The following OPCML variants were observed in gnomAD, a reference collection of about 807,000 sequenced individuals.
OPCML encodes the protein opioid-binding protein/cell adhesion molecule.
In OPCML, 13 loss-of-function variants were observed where a neutral mutation model predicts 37.8. That is an observed-to-expected ratio of 0.34 (90% CI 0.22 to 0.55). The LOEUF (loss-of-function observed/expected upper bound fraction) is 0.55, where lower values mean the gene tolerates loss of function less well. OPCML is among the 20% of genes least tolerant of loss of function. OPCML has a pLI of 0.91. For synonymous variants in OPCML, 176 were observed against 168.8 expected, an observed-to-expected ratio of 1.04 and a Z score of -0.33; for missense variants, 341 against 435.6, an observed-to-expected ratio of 0.78 and a Z score of 1.93.
chr11:132,885,694 ATT>A lies in OPCML; in HGVS notation c.146+57230_146+57231del, dbSNP rs1344902749. Among the ~76,000 whole-genome samples, 8 of 152,284 alleles carry A rather than the reference ATT, an allele frequency of 5.3e-5. No homozygotes were observed. The East Asian group carries it at 1.2e-3, about 22-fold the overall frequency. On this transcript the variant is annotated intron_variant, in intron 2 of 7. Coordinates refer to ENST00000524381, the MANE Select transcript of OPCML (RefSeq NM_001012393.5). The stretch of plus-strand genomic sequence containing the variant: ...CTTCAGCTGTCACCTGCAATAAAGA[ATT>A]TTTTTCTCTTTGGAGGTAGCATATA...
intron 1 of OPCML, among the ~76,000 whole-genome samples, chr11:133,071,041 C>T (rs1281241308): frequency 6.6e-6 from 1 of 152,206 alleles, no homozygotes; most frequent in Non-Finnish European, 1.5e-5. Flanking sequence ...TGTGATCTCC[C>T]TGCAGGGTAC....
intron 3 of OPCML, among the ~76,000 whole-genome samples, chr11:132,559,013 G>A (rs754953228): frequency 4.6e-5 from 7 of 152,078 alleles, no homozygotes; most frequent in Non-Finnish European, 7.3e-5. Context: ...TGTCAATTCA[G>A]TTCCAATCAG....
At chr11:133,456,603 G>A (rs963274488) in intron 1 of OPCML, among the ~76,000 whole-genome samples, 2 of 152,032 alleles carry the variant, frequency 1.3e-5, no homozygotes, top group Non-Finnish European at 2.9e-5. Context: ...TCCAGGAAAA[G>A]ACTTCTTAAA....
chr11:133,103,324 A>T (rs1221936502), intron 1 of OPCML, among the ~76,000 whole-genome samples: 2 of 152,186 alleles, frequency 1.3e-5, no homozygotes, highest in Non-Finnish European at 2.9e-5. Flanking sequence ...AGTCACCAAA[A>T]TCCATGTTGT....
intron 1 of OPCML, chr11:133,009,258 C>A: frequency 6.1e-6 from 6 of 984,366 alleles, no homozygotes; most frequent in Non-Finnish European, 7.2e-6. Context: ...GACATAAATA[C>A]TTGCTTGTTA....
chr11:133,410,495 T>A (rs968948480), intron 1 of OPCML, among the ~76,000 whole-genome samples: 23 of 151,936 alleles, frequency 1.5e-4, no homozygotes, highest in African/African-American at 5.3e-4. Context: ...TAGGTTATAA[T>A]TGCTCCCTCG....
At chr11:132,872,319 C>T (rs989377159) in intron 2 of OPCML, among the ~76,000 whole-genome samples, 3 of 152,098 alleles carry the variant, frequency 2.0e-5, no homozygotes, top group Non-Finnish European at 4.4e-5. Flanking sequence ...GCCTCCTGAA[C>T]GTGACTATTT....
chr11:132,520,137 C>A (rs540659965), intron 4 of OPCML, among the ~76,000 whole-genome samples: 22 of 152,124 alleles, frequency 1.4e-4, no homozygotes, highest in Non-Finnish European at 2.6e-4. Context: ...AAAGGCAAGG[C>A]AAGAGTATGG....
intron 3 of OPCML, among the ~76,000 whole-genome samples, chr11:132,609,092 C>G (rs1414687046): frequency 6.6e-6 from 1 of 151,828 alleles, no homozygotes; most frequent in Admixed American, 6.6e-5. Context: ...CGAGAACTGA[C>G]CCATCACTTC....
chr11:132,712,350 C>T (rs7930060), intron 2 of OPCML, among the ~76,000 whole-genome samples: 1,620 of 151,852 alleles, frequency 0.011, 15 homozygotes, highest in African/African-American at 0.026. Context: ...CGAGCTTGCC[C>T]GTCTCTGTGG....
At chr11:132,657,872 G>A (rs1021896238) in intron 2 of OPCML, among the ~76,000 whole-genome samples, 1 of 152,168 alleles carries the variant, frequency 6.6e-6, no homozygotes, top group African/African-American at 2.4e-5. Flanking sequence ...ACCTTAGAAA[G>A]CCAACACTTC....
intron 1 of OPCML, chr11:133,003,853 C>T (rs1947056329): frequency 1.0e-6 from 1 of 985,234 alleles, no homozygotes. Context: ...CAGATCCTTG[C>T]CATCCACCGT....
chr11:133,289,160 T>C (rs1373935345), intron 1 of OPCML, among the ~76,000 whole-genome samples: 1 of 152,218 alleles, frequency 6.6e-6, no homozygotes, highest in East Asian at 1.9e-4. Context: ...AATAATGGAT[T>C]AGGTTGATAC....
At chr11:133,006,856 G>T (rs1233817286) in intron 1 of OPCML, 3 of 985,322 alleles carry the variant, frequency 3.0e-6, no homozygotes, top group South Asian at 4.7e-5. Flanking sequence ...GGCCAGGAAG[G>T]TTATATCAGA....
intron 1 of OPCML, among the ~76,000 whole-genome samples, chr11:132,972,536 C>T (rs372476181): frequency 2.0e-5 from 3 of 152,150 alleles, no homozygotes; most frequent in East Asian, 1.9e-4. Flanking sequence ...TCTTCGTGTG[C>T]GTTTTTATTA....
intron 4 of OPCML, among the ~76,000 whole-genome samples, chr11:132,523,325 C>T (rs187743687): frequency 6.6e-6 from 1 of 152,294 alleles, no homozygotes; most frequent in Admixed American, 6.5e-5. Flanking sequence ...CCATGGAATT[C>T]ACTCATTTAT....
chr11:133,416,618 GTC>G (rs962440065), intron 1 of OPCML, among the ~76,000 whole-genome samples: 1 of 152,048 alleles, frequency 6.6e-6, no homozygotes, highest in Non-Finnish European at 1.5e-5. Flanking sequence ...AAGGATAGCT[GTC>G]TCTCTCTCTC....
At chr11:132,462,019 C>G (rs2096103787) in intron 4 of OPCML, among the ~76,000 whole-genome samples, 1 of 152,140 alleles carries the variant, frequency 6.6e-6, no homozygotes, top group African/African-American at 2.4e-5. Flanking sequence ...CCATATCAAG[C>G]TGTTCTGGAA....
At chr11:132,550,320 G>T (rs995540715) in intron 3 of OPCML, among the ~76,000 whole-genome samples, 2 of 152,186 alleles carry the variant, frequency 1.3e-5, no homozygotes, top group African/African-American at 4.8e-5. Flanking sequence ...GATCATGGGG[G>T]TGGATTTCTC....
Sources: allele counts gnomAD v4.1 joint callset (sites outside exome capture counted in the v4.1 genomes callset), GRCh38; gene constraint gnomAD v4.1.1; transcripts MANE v1.5; gene names NCBI Gene and HGNC (gene_info 2026-07-23, HGNC 2026-07-21).